Variants in RYR3 observed in about 807,000 individuals in gnomAD.
RYR3 encodes brain ryanodine receptor-calcium release channel.
A neutral mutation model predicts 584.3 loss-of-function variants in RYR3; 207 were observed. The ratio of observed to expected loss-of-function variants is 0.35; its 90% CI spans 0.32 to 0.40. The LOEUF is 0.40. RYR3 is among the 10% of genes least tolerant of loss of function. RYR3 has a pLI of 1.00. For missense variants in RYR3, 5,616 were observed against 6,089.2 expected (o/e 0.92, Z 2.59); for synonymous variants, 2,416 against 2,248.5 (o/e 1.07, Z -2.11).
At chr15:33,693,370 G>A (rs556765604) in intron 38 of RYR3, among the ~76,000 whole-genome samples, 12 of 152,232 alleles carry the variant, frequency 7.9e-5, no homozygotes, top group Admixed American at 2.0e-4. Context: ...CATGTGTATG[G>A]GGTCTGCATG....
chr15:33,361,063 C>T lies in RYR3; in HGVS notation c.51+49967C>T, dbSNP rs149278256. On this transcript the variant is annotated intron_variant, in intron 1 of 103. Coordinates refer to ENST00000634891, the MANE Select transcript of RYR3 (RefSeq NM_001036.6). ...TTCTGATTGGAGCACATGGTGTGTT[C>T]CCCTCTAGCTGGAGGCTTCTCAGCC... Among the ~76,000 whole-genome samples the T allele has an allele frequency of 6.6e-3, 1,000 of 152,310 alleles. 12 individuals carry two copies. Among genetic ancestry groups the T allele is most frequent in the African/African-American group, 0.023 (952 of 41,562 alleles).
intron 1 of RYR3, among the ~76,000 whole-genome samples, chr15:33,432,326 T>C (rs767318478): frequency 6.6e-6 from 1 of 152,138 alleles, no homozygotes; most frequent in African/African-American, 2.4e-5. Flanking sequence ...ACAAAGGATG[T>C]TACTGAACTA....
intron 89 of RYR3, chr15:33,840,500 T>A (rs951578270): frequency 2.1e-5 from 7 of 331,808 alleles, no homozygotes; most frequent in Non-Finnish European, 3.3e-5. Flanking sequence ...CTTGGTTTGA[T>A]CTGTGTCCCA....
At chr15:33,606,610 C>G (rs555405205) in intron 18 of RYR3, among the ~76,000 whole-genome samples, 2 of 152,188 alleles carry the variant, frequency 1.3e-5, no homozygotes, top group Non-Finnish European at 2.9e-5. Context: ...CTGTCTAACC[C>G]TCCCTACAGA....
At chr15:33,846,076 C>T (rs2078706302) in intron 93 of RYR3, among the ~76,000 whole-genome samples, 1 of 152,202 alleles carries the variant, frequency 6.6e-6, no homozygotes, top group South Asian at 2.1e-4. Context: ...GGTAGCTGGG[C>T]CTCTCTCTGT....
At chr15:33,402,373 A>C (rs1250189462) in intron 1 of RYR3, among the ~76,000 whole-genome samples, 1 of 152,240 alleles carries the variant, frequency 6.6e-6, no homozygotes, top group Non-Finnish European at 1.5e-5. Flanking sequence ...ATGGAATTTG[A>C]GTCTCCCAAT....
chr15:33,329,381 A>T (rs1039060268), intron 1 of RYR3, among the ~76,000 whole-genome samples: 1 of 152,260 alleles, frequency 6.6e-6, no homozygotes, highest in African/African-American at 2.4e-5. Flanking sequence ...GTTACAAAAG[A>T]TGAATATAAA....
intron 1 of RYR3, among the ~76,000 whole-genome samples, chr15:33,378,513 G>A (rs190353168): frequency 9.8e-5 from 15 of 152,320 alleles, no homozygotes; most frequent in African/African-American, 3.6e-4. Flanking sequence ...GTAATAAGCT[G>A]TTTGCAATGA....
rs1378664926 is a variant in RYR3, at chr15:33,508,660, A to G, written c.279+4922A>G. Among the ~76,000 whole-genome samples the G allele has an allele frequency of 7.2e-5, 11 of 152,154 alleles. No homozygotes were observed. In the East Asian group the frequency reaches 2.1e-3, roughly 29 times the overall value. ...GCAAGTCTCCATCTCAAAACAAAAC[A>G]AAACAAAAAACCTTGATTGGGAAAT... On this transcript the variant is annotated intron_variant, in intron 3 of 103. Coordinates refer to ENST00000634891, the MANE Select transcript of RYR3 (RefSeq NM_001036.6).
rs372749345 is a variant in RYR3, at chr15:33,342,574, T to C, written c.51+31478T>C. Among the ~76,000 whole-genome samples, 19 of 151,966 alleles carry C rather than the reference T, an allele frequency of 1.3e-4. No homozygotes were observed. In the East Asian group the frequency reaches 3.5e-3, roughly 28 times the overall value. On this transcript the variant is annotated intron_variant, in intron 1 of 103. Coordinates refer to ENST00000634891, the MANE Select transcript of RYR3 (RefSeq NM_001036.6). ...ATCATTTTCAAGGAAAATGGGTCTC[T>C]AGTTTCACGTATATAATATTATCCA...
Position 33,772,063 on chromosome 15 carries a change from C to T in RYR3, c.8960C>T (p.Ser2987Phe). 6.2e-7 allele frequency: 1 copy of T among 1,613,746 alleles called. No individual in the cohort carries two copies. Among genetic ancestry groups the T allele is most frequent in the Non-Finnish European group, 8.5e-7 (1 of 1,179,778 alleles). ...TCCCGAACGCAGATTAAAGGCGTTT[C>T]TCAGAATATTAACTACACTACAGTG... Reference protein sequence around the residue: ...THSRTQIKGVSQNINYTTVAL... With the variant: ...THSRTQIKGVFQNINYTTVAL... The change falls in exon 63 of 104, where the codon TCT becomes TTT. Residue 2987 changes from serine to phenylalanine, a missense_variant. Ser to Phe is a radical substitution (Grantham distance 155). Around this residue, in one of 9 missense-constraint regions of RYR3, gnomAD observed 954 missense variants for 1,132.2 expected, o/e 0.84. Transcript: ENST00000634891.
intron 64 of RYR3, 38 bp from the exon 65 acceptor site, chr15:33,780,173 G>A: frequency 6.2e-7 from 1 of 1,605,172 alleles, no homozygotes. Context: ...GCCAGCATGT[G>A]GGGGGCCACA....
At chr15:33,757,798 C>T (rs2072001490) in intron 60 of RYR3, 3 of 598,408 alleles carry the variant, frequency 5.0e-6, no homozygotes, top group Non-Finnish European at 8.8e-6. Flanking sequence ...TGTGGGAGTA[C>T]CCGTGGGGCT....
At chr15:33,492,574 C>G (rs900712083) in intron 2 of RYR3, among the ~76,000 whole-genome samples, 1 of 152,052 alleles carries the variant, frequency 6.6e-6, no homozygotes, top group African/African-American at 2.4e-5. Flanking sequence ...ATCTCAAAAA[C>G]ATTTGGAAGC....
chr15:33,343,476 A>G (rs1972070533), intron 1 of RYR3, among the ~76,000 whole-genome samples: 1 of 151,970 alleles, frequency 6.6e-6, no homozygotes, highest in East Asian at 1.9e-4. Flanking sequence ...TTTTGTCACT[A>G]TTTTATGCCT....
At chr15:33,844,446 AGAATG>A (rs1360981527) in intron 92 of RYR3, among the ~76,000 whole-genome samples, 1 of 152,208 alleles carries the variant, frequency 6.6e-6, no homozygotes, top group African/African-American at 2.4e-5. Flanking sequence ...CATCTCAGAA[AGAATG>A]GAAAATACTG....
intron 65 of RYR3, among the ~76,000 whole-genome samples, chr15:33,782,837 A>T (rs1484060954): frequency 6.6e-6 from 1 of 152,162 alleles, no homozygotes; most frequent in Non-Finnish European, 1.5e-5. Flanking sequence ...TTATCCAAAA[A>T]TTATTAAGAT....
chr15:33,389,116 T>C (rs980479070), intron 1 of RYR3, among the ~76,000 whole-genome samples: 1 of 148,602 alleles, frequency 6.7e-6, no homozygotes, highest in Admixed American at 6.7e-5. Context: ...TTAGGAGATA[T>C]ACCTAATATT....
intron 38 of RYR3, among the ~76,000 whole-genome samples, chr15:33,690,684 T>G (rs1192529335): frequency 6.6e-6 from 1 of 152,206 alleles, no homozygotes; most frequent in African/African-American, 2.4e-5. Flanking sequence ...CAGCCTCACT[T>G]CAGCATAGGC....
Sources: gnomAD v4.1 joint callset for allele counts (sites outside exome capture counted in the v4.1 genomes callset) on GRCh38, gnomAD v4.1.1 for gene constraint, gnomAD v4.1.1 regional missense constraint, MANE v1.5 for transcripts, NCBI Gene and HGNC (gene_info 2026-07-23, HGNC 2026-07-21) for gene names.